Variants in CELSR1 observed in about 807,000 individuals in gnomAD.
The protein encoded by CELSR1 is adhesion G protein-coupled receptor C1.
CELSR1 carries 110 observed loss-of-function variants against 249.1 expected under a neutral mutation model. The ratio of observed to expected loss-of-function variants is 0.44; its 90% CI spans 0.38 to 0.52. The LOEUF (loss-of-function observed/expected upper bound fraction) is 0.52, where lower values mean the gene tolerates loss of function less well. Among genes scored for constraint, CELSR1 ranks in the 20% least tolerant of loss-of-function variants. The probability of loss-of-function intolerance (pLI) is 0.00; values close to 1 mark genes in which losing one functional copy is unlikely to be tolerated. For synonymous variants in CELSR1, 2,113 were observed against 1,900.0 expected, an observed-to-expected ratio of 1.11 and a Z score of -2.92; for missense variants, 4,109 against 4,296.4, an observed-to-expected ratio of 0.96 and a Z score of 1.22.
chr22:46,442,990 C>T (rs189058024), intron 2 of CELSR1, among the ~76,000 whole-genome samples: 65 of 151,934 alleles, frequency 4.3e-4, no homozygotes, highest in Non-Finnish European at 7.2e-4. Flanking sequence ...CCCAGCTACT[C>T]AGGAGGCTGA....
intron 2 of CELSR1, among the ~76,000 whole-genome samples, chr22:46,449,579 G>A (rs2017699): frequency 0.28 from 42,337 of 152,102 alleles, 6,293 homozygotes; most frequent in Non-Finnish European, 0.32. Flanking sequence ...AACTGCCAGC[G>A]TGGGCCATTC....
At chr22:46,367,179 C>T (rs913310758) in intron 28 of CELSR1, 61 bp from the exon 29 acceptor site, 41 of 1,570,854 alleles carry the variant, frequency 2.6e-5, no homozygotes, top group Non-Finnish European at 3.0e-5. Flanking sequence ...TGCCCTTAGG[C>T]GCCCCAGCAC....
In CELSR1 at chr22:46,490,540, G is replaced by A. The variant is rs1364877972; in HGVS notation, c.3545-26195C>T. The stretch of plus-strand genomic sequence containing the variant: ...GACCGCAGGCGAGCCGCCCCCCTCC[G>A]CCTCCCAAAATGTTGAGATCAGCCA... On this transcript the variant is annotated intron_variant, in intron 1 of 34. Transcript: ENST00000674500. This position sits in a 1 kb window ranked among gnomAD's most constrained non-coding sequence, Gnocchi z 5.2. Among the ~76,000 whole-genome samples, 5 of 152,118 alleles carry A rather than the reference G, an allele frequency of 3.3e-5. No individual in the cohort carries two copies. Among genetic ancestry groups the A allele is most frequent in the East Asian group, 3.9e-4 (2 of 5,144 alleles).
At position 46,373,001 on chromosome 22, in the gene CELSR1, G is replaced by C; in HGVS notation, c.7641C>G (p.Ala2547=). 1.9e-6 allele frequency: 3 copies of C among 1,613,100 alleles called. No homozygotes were observed. The highest frequency in any genetic ancestry group is 2.5e-6 in the Non-Finnish European group (3 of 1,179,826). ...LLHYIYMSTF[A]WTLVESLHVY... ...CATGCAGGCTCTCCACGAGGGTCCA[G>C]GCAAAGGTGCTCATGTAGATGTAGT... Residue 2547 remains alanine (A), a synonymous_variant, in exon 25 of 35, where the codon GCC becomes GCG. Coordinates refer to ENST00000674500, the MANE Select transcript of CELSR1 (RefSeq NM_001378328.1).
At chr22:46,533,428 G>A (rs1009525586) in intron 1 of CELSR1, among the ~76,000 whole-genome samples, 199 bp downstream of exon 1, 6 of 152,272 alleles carry the variant, frequency 3.9e-5, no homozygotes, top group South Asian at 4.1e-4. Flanking sequence ...TGACGGAAGC[G>A]GCGCGGTGCC....
chr22:46,376,971 G>C, intron 24 of CELSR1, 90 bp downstream of exon 24: 2 of 1,346,040 alleles, frequency 1.5e-6, no homozygotes, highest in Non-Finnish European at 2.1e-6. Context: ...GGAGGAGCTA[G>C]CCAGGGTGCT....
intron 1 of CELSR1, among the ~76,000 whole-genome samples, chr22:46,497,381 T>C (rs1350760165): frequency 6.6e-6 from 1 of 152,256 alleles, no homozygotes; most frequent in Non-Finnish European, 1.5e-5. Context: ...AAGACTTCCA[T>C]TACAATGTTG....
intron 5 of CELSR1, among the ~76,000 whole-genome samples, chr22:46,419,235 G>A (rs2079437743): frequency 6.6e-6 from 1 of 152,192 alleles, no homozygotes; most frequent in African/African-American, 2.4e-5. Flanking sequence ...GATTTGCTCA[G>A]AGGGGGGTCT....
intron 13 of CELSR1, among the ~76,000 whole-genome samples, chr22:46,394,695 T>C (rs9615361): frequency 0.047 from 7,101 of 152,270 alleles, 232 homozygotes; most frequent in South Asian, 0.092. Flanking sequence ...TTTGTAGCTT[T>C]TGTTGTCCCC....
chr22:46,534,924 A>G lies in CELSR1; in HGVS notation c.2247T>C (p.Pro749=), dbSNP rs866350822. The change falls in exon 1 of 35, where the codon CCT becomes CCC. Residue 749 remains proline, a synonymous_variant. Transcript: ENST00000674500. This position sits in a 1 kb window ranked among gnomAD's most constrained non-coding sequence, Gnocchi z 9.7. ...RGGGLITLAL[P]LDYKQEQQYV... ...ACTGCTGCTCCTGCTTGTAGTCCAGAGGTAGCGCCAGGGTGATGAGGCCGC... is the reference window on the plus strand; with the variant it reads ...ACTGCTGCTCCTGCTTGTAGTCCAGGGGTAGCGCCAGGGTGATGAGGCCGC... The G allele has an allele frequency of 1.9e-6, 3 of 1,612,342 alleles. No individual in the cohort carries two copies. In the Middle Eastern group the frequency reaches 4.9e-4, roughly 266 times the overall value.
At chr22:46,469,547 G>C (rs897052150) in intron 1 of CELSR1, among the ~76,000 whole-genome samples, 13 of 151,944 alleles carry the variant, frequency 8.6e-5, no homozygotes, top group African/African-American at 3.1e-4. Flanking sequence ...ATGGAGTCTC[G>C]CTCTGTTGCC....
In CELSR1 at chr22:46,396,127, C is replaced by G. The variant is rs1232399899; in HGVS notation, c.5843+478G>C. Among the ~76,000 whole-genome samples the G allele has an allele frequency of 6.6e-6, 1 of 152,168 alleles. No homozygotes were observed. Among genetic ancestry groups the G allele is most frequent in the Non-Finnish European group, 1.5e-5 (1 of 68,028 alleles). On this transcript the variant is annotated intron_variant, in intron 13 of 34. Transcript: ENST00000674500. This position sits in a 1 kb window ranked among gnomAD's most constrained non-coding sequence, Gnocchi z 6.4. ...AGACGTCCAAATTGATTCTCATTGC[C>G]CAAGCGTGGTGGCTCACACCCGTAA...
rs1569227592 is a variant in CELSR1 at position 46,536,333 on chromosome 22, C to T, written c.838G>A (p.Val280Met). 1 of 1,612,736 alleles carries T rather than the reference C, an allele frequency of 6.2e-7. No homozygotes were observed. The highest frequency in any genetic ancestry group is 1.1e-5 in the South Asian group (1 of 91,092). Residue 280 changes from valine (V) to methionine (M), a missense_variant, in exon 1 of 35, where the codon GTG (valine) becomes ATG (methionine). By Grantham distance (21) the Val-to-Met change is conservative (BLOSUM62 1). Coordinates refer to ENST00000674500, the MANE Select transcript of CELSR1 (RefSeq NM_001378328.1). Reference protein sequence around the residue: ...HYTIEGEEERVSYYMEGLFDE... With the variant: ...HYTIEGEEERMSYYMEGLFDE... ...AACAGCCCCTCCATGTAATAGCTCA[C>T]GCGCTCCTCCTCGCCCTCGATGGTG...
rs764431908 is a variant in CELSR1 at position 46,363,973 on chromosome 22, C to A, written c.9035+23G>T. ...ACAAGGGGGAAGTGGGTGATCCCCGCCCTGGAGGCCCAGGCTACTCACTCA... is the reference window on the plus strand; with the variant it reads ...ACAAGGGGGAAGTGGGTGATCCCCGACCTGGAGGCCCAGGCTACTCACTCA... On this transcript the variant is annotated intron_variant, in intron 34 of 34. Transcript: ENST00000674500. The surrounding 1 kb of genome is among the most constrained non-coding windows in gnomAD (Gnocchi z 4.3). 6.4e-7 allele frequency: 1 copy of A among 1,566,684 alleles called. No homozygotes were observed. Among genetic ancestry groups the A allele is most frequent in the Non-Finnish European group, 8.6e-7 (1 of 1,157,708 alleles).
rs781447851 is a variant in CELSR1 at position 46,366,431 on chromosome 22, C to T, written c.8255G>A (p.Arg2752His). The T allele has an allele frequency of 1.5e-5, 24 of 1,550,066 alleles. No homozygotes were observed. Among genetic ancestry groups the T allele is most frequent in the African/African-American group, 5.5e-5 (4 of 72,884 alleles). Residue 2752 changes from arginine to histidine, a missense_variant, in exon 30 of 35, where the codon CGC becomes CAC. Coordinates refer to ENST00000674500, the MANE Select transcript of CELSR1 (RefSeq NM_001378328.1). Reference protein sequence around the residue: ...TTFGDGPDMLRTDLGESTASL... With the variant: ...TTFGDGPDMLHTDLGESTASL... ...GGCGGTGGACTCGCCCAAGTCTGTG[C>T]GCAGCATGTCAGGCCCGTCACCGAA...
rs553982759 is a variant in CELSR1, at chr22:46,395,536, G to T, written c.5843+1069C>A. The stretch of plus-strand genomic sequence containing the variant: ...TCCACTCCCAGGGCACCTCCGCGGC[G>T]CTCTCCCTGGCATCACATCTTGCTG... On this transcript the variant is annotated intron_variant, in intron 13 of 34. Transcript: ENST00000674500. This position sits in a 1 kb window ranked among gnomAD's most constrained non-coding sequence, Gnocchi z 5.5. 1.3e-5 allele frequency among the ~76,000 whole-genome samples: 2 copies of T among 152,138 alleles called. No homozygotes were observed. Among genetic ancestry groups the T allele is most frequent in the African/African-American group, 4.8e-5 (2 of 41,440 alleles).
At position 46,464,000 on chromosome 22, in the gene CELSR1, T is replaced by A; in HGVS notation, c.3890A>T (p.Gln1297Leu). ...GTTGTCGTCGAAGGGCAGCACGCGC[T>A]GCGTGGAGATGGTGGTCAGCAGCGT... ...NRTLLTTIST[Q>L]RVLPFDDNIC... Residue 1297 changes from glutamine (Q) to leucine (L), a missense_variant, in exon 2 of 35, where the codon CAG (glutamine) becomes CTG (leucine). Gln to Leu is a moderately radical substitution (Grantham distance 113, BLOSUM62 -2). Coordinates refer to ENST00000674500, the MANE Select transcript of CELSR1 (RefSeq NM_001378328.1). 1.2e-6 allele frequency: 2 copies of A among 1,613,878 alleles called. No individual in the cohort carries two copies. The highest frequency in any genetic ancestry group is 1.1e-5 in the South Asian group (1 of 91,090).
At chr22:46,394,497 C>T (rs1436824403) in intron 13 of CELSR1, among the ~76,000 whole-genome samples, 3 of 152,176 alleles carry the variant, frequency 2.0e-5, no homozygotes, top group Non-Finnish European at 4.4e-5. Context: ...CTCTGTCCAC[C>T]GTGTGCCCCA....
chr22:46,451,953 G>A, intron 2 of CELSR1, among the ~76,000 whole-genome samples: 1 of 152,180 alleles, frequency 6.6e-6, no homozygotes, highest in Non-Finnish European at 1.5e-5. Context: ...GGTGCACAGG[G>A]AGGCAGAGCC....
Sources: allele counts gnomAD v4.1 joint callset (sites outside exome capture counted in the v4.1 genomes callset), GRCh38; gene constraint gnomAD v4.1.1; non-coding constraint Gnocchi (gnomAD v3.1); transcripts MANE v1.5; gene names NCBI Gene and HGNC (gene_info 2026-07-23, HGNC 2026-07-21).